GLI3: variants seen among roughly 807,000 people sequenced by gnomAD.
The protein encoded by GLI3 is GLI family zinc finger 3, also known as transcription activator GLI3.
Under a neutral mutation model 100.8 loss-of-function variants are expected in GLI3, and 20 were observed. The observed-to-expected ratio is 0.20, with a 90% CI of 0.14 to 0.29. The LOEUF (loss-of-function observed/expected upper bound fraction) is 0.29. GLI3 is among the 10% of genes least tolerant of loss of function. The probability of loss-of-function intolerance (pLI) is 1.00; values close to 1 mark genes in which losing one functional copy is unlikely to be tolerated. For missense variants in GLI3, 2,040 were observed against 2,128.5 expected (o/e 0.96, Z 0.82); for synonymous variants, 938 against 860.5 (o/e 1.09, Z -1.58).
chr7:41,991,119 G>A (rs1458862417), intron 10 of GLI3, among the ~76,000 whole-genome samples: 1 of 152,180 alleles, frequency 6.6e-6, no homozygotes, highest in Non-Finnish European at 1.5e-5. Flanking sequence ...AATAAGACAT[G>A]TCCATTGGAT....
At chr7:42,017,660 C>T (rs1459761661) in intron 10 of GLI3, among the ~76,000 whole-genome samples, 8 of 152,302 alleles carry the variant, frequency 5.3e-5, no homozygotes, top group East Asian at 1.9e-4. Flanking sequence ...CAAGGTTGAA[C>T]GAGGCAAGGC....
intron 1 of GLI3, among the ~76,000 whole-genome samples, chr7:42,225,885 G>A (rs1583661575): frequency 1.3e-5 from 2 of 152,270 alleles, no homozygotes; most frequent in South Asian, 4.1e-4. Flanking sequence ...GCTCCATGAG[G>A]ACAAGGCTTC....
rs774316500 is a variant in GLI3, at chr7:42,191,650, C to CA, written c.124+31479dup. 1.5e-3 allele frequency among the ~76,000 whole-genome samples: 227 copies of CA among 146,702 alleles called. 1 individual carries two copies. The highest frequency in any genetic ancestry group is 5.6e-3 in the African/African-American group (221 of 39,660). ...GGGCAACAAGAGCGAAACTCCGTTT[C>CA]AAAAAATATATATATATATATATAA... On this transcript the variant is annotated intron_variant, in intron 2 of 14. Transcript: ENST00000395925.
intron 3 of GLI3, among the ~76,000 whole-genome samples, chr7:42,114,680 G>A (rs1442348905): frequency 6.6e-6 from 1 of 152,010 alleles, no homozygotes; most frequent in African/African-American, 2.4e-5. Flanking sequence ...GTGTGTGCAG[G>A]TCGGGGAGAG....
chr7:41,991,697 G>A (rs375074299), intron 10 of GLI3, among the ~76,000 whole-genome samples: 2 of 152,276 alleles, frequency 1.3e-5, no homozygotes, highest in East Asian at 3.9e-4. Context: ...TAAGGTGAAT[G>A]GGAAACAATG....
chr7:42,198,771 TACACACACAC>T (rs906325525), intron 2 of GLI3, among the ~76,000 whole-genome samples: 1 of 150,068 alleles, frequency 6.7e-6, no homozygotes. Flanking sequence ...CACACACACA[TACACACACAC>T]ACACAAACAC....
chr7:41,968,763 G>GAAAGAAAGAAAGAA (rs1491137662), intron 13 of GLI3, among the ~76,000 whole-genome samples: 1 of 56,690 alleles, frequency 1.8e-5, no homozygotes, highest in African/African-American at 8.1e-5. Flanking sequence ...AAAGAAAGAA[G>GAAAGAAAGAAAGAA]GAAAGAAAGA....
At chr7:42,087,724 T>TC (rs1186110104) in intron 3 of GLI3, among the ~76,000 whole-genome samples, 1 of 151,918 alleles carries the variant, frequency 6.6e-6, no homozygotes, top group African/African-American at 2.4e-5. Flanking sequence ...CTTTTTTTTT[T>TC]TTTTTCATCA....
intron 3 of GLI3, among the ~76,000 whole-genome samples, chr7:42,080,689 T>C (rs1209259186): frequency 6.6e-6 from 1 of 152,222 alleles, no homozygotes; most frequent in Non-Finnish European, 1.5e-5. Flanking sequence ...GCATGTCCTG[T>C]AACATACGTG....
At chr7:42,075,462 A>C (rs966171122) in intron 4 of GLI3, among the ~76,000 whole-genome samples, 2 of 152,152 alleles carry the variant, frequency 1.3e-5, no homozygotes, top group African/African-American at 4.8e-5. Context: ...GGTGAATTAC[A>C]TGTCATGTTT....
At chr7:42,160,772 C>A (rs926712015) in intron 2 of GLI3, among the ~76,000 whole-genome samples, 2 of 152,188 alleles carry the variant, frequency 1.3e-5, no homozygotes, top group Non-Finnish European at 2.9e-5. Flanking sequence ...AAGGATGGTG[C>A]AGAAGAGAGC....
intron 1 of GLI3, among the ~76,000 whole-genome samples, chr7:42,231,499 C>A (rs1195129193): frequency 6.6e-6 from 1 of 152,162 alleles, no homozygotes; most frequent in African/African-American, 2.4e-5. Context: ...GTAACCTACA[C>A]CAAACTACAC....
At chr7:42,245,481 C>T (rs553992660) in intron 1 of GLI3, among the ~76,000 whole-genome samples, 1 of 151,978 alleles carries the variant, frequency 6.6e-6, no homozygotes, top group Non-Finnish European at 1.5e-5. Flanking sequence ...AGTTCGAGAC[C>T]ATCCTGGCTA....
upstream of GLI3, among the ~76,000 whole-genome samples, chr7:42,241,996 A>G (rs1788929812): frequency 6.6e-6 from 1 of 152,140 alleles, no homozygotes. Flanking sequence ...CTCAAACCAA[A>G]CACTTCAGTA....
intron 3 of GLI3, among the ~76,000 whole-genome samples, chr7:42,121,371 C>A (rs1785993884): frequency 1.3e-5 from 2 of 152,174 alleles, no homozygotes; most frequent in South Asian, 2.1e-4. Flanking sequence ...TGTCCTGGGA[C>A]CACATGTTGA....
chr7:42,199,581 C>A (rs1172656877), intron 2 of GLI3, among the ~76,000 whole-genome samples: 1 of 152,106 alleles, frequency 6.6e-6, no homozygotes, highest in Admixed American at 6.5e-5. Flanking sequence ...AGAAGGTGAA[C>A]AAAAGACTGT....
In GLI3 at chr7:42,045,547, G is replaced by T. The variant is rs936532989; in HGVS notation, c.680-17C>A. 1.6e-5 allele frequency: 26 copies of T among 1,613,122 alleles called. No homozygotes were observed. Among genetic ancestry groups the T allele is most frequent in the Non-Finnish European group, 2.2e-5 (26 of 1,179,582 alleles). Reference sequence around the variant, plus strand: ...CATGGGGCGCTAGGAGGAGACAAGAGATGTATGGTTACTAGCGAAAGAAGG... The same window carrying T: ...CATGGGGCGCTAGGAGGAGACAAGATATGTATGGTTACTAGCGAAAGAAGG... On this transcript the variant is annotated splice_polypyrimidine_tract_variant and intron_variant, in intron 5 of 14. Transcript: ENST00000395925.
chr7:42,075,093 G>A (rs1402999535), intron 4 of GLI3, among the ~76,000 whole-genome samples: 1 of 152,140 alleles, frequency 6.6e-6, no homozygotes, highest in Non-Finnish European at 1.5e-5. Flanking sequence ...GGGGGCTACA[G>A]GAGGGCTTGC....
At chr7:41,987,302 G>A (rs1484464493) in intron 10 of GLI3, among the ~76,000 whole-genome samples, 1 of 151,924 alleles carries the variant, frequency 6.6e-6, no homozygotes, top group Non-Finnish European at 1.5e-5. Flanking sequence ...CTGAGCAACT[G>A]GGACTACAGG....
Sources: gnomAD v4.1 joint callset for allele counts (sites outside exome capture counted in the v4.1 genomes callset) on GRCh38, gnomAD v4.1.1 for gene constraint, MANE v1.5 for transcripts, NCBI Gene and HGNC (gene_info 2026-07-23, HGNC 2026-07-21) for gene names.